PICALM: variants seen among roughly 807,000 people sequenced by gnomAD.
The protein encoded by PICALM is phosphatidylinositol binding clathrin assembly protein, also known as phosphatidylinositol-binding clathrin assembly protein.
Under a neutral mutation model 80.5 loss-of-function variants are expected in PICALM, and 40 were observed. That is an observed-to-expected ratio of 0.50 (90% CI 0.39 to 0.65). The LOEUF is 0.65. PICALM is among the 30% of genes least tolerant of loss of function. The probability of loss-of-function intolerance (pLI) is 0.00; values close to 1 mark genes in which losing one functional copy is unlikely to be tolerated. For synonymous variants in PICALM, 288 were observed against 260.3 expected (o/e 1.11, Z -1.02); for missense variants, 676 against 778.9 (o/e 0.87, Z 1.57).
Position 85,957,329 on chromosome 11 carries a change from T to C in PICALM, c.*1717A>G, listed in dbSNP as rs537803647. 6.6e-6 allele frequency among the ~76,000 whole-genome samples: 1 copy of C among 152,344 alleles called. No homozygotes were observed. The highest frequency in any genetic ancestry group is 6.5e-5 in the Admixed American group (1 of 15,308). On this transcript the variant is annotated 3_prime_UTR_variant, in exon 20 of 20. Transcript: ENST00000393346. The stretch of plus-strand genomic sequence containing the variant: ...ATCATGTACTCTGAACCCTATGCAC[T>C]ACTAAATAGGCAATATGATACAATC...
chr11:86,059,176 AT>A (rs1318249079), intron 1 of PICALM, among the ~76,000 whole-genome samples: 2 of 152,232 alleles, frequency 1.3e-5, no homozygotes, highest in African/African-American at 4.8e-5. Flanking sequence ...ATAGATTTTT[AT>A]GTCCATAAAT....
At chr11:86,028,590 A>G (rs1224782758) in intron 2 of PICALM, among the ~76,000 whole-genome samples, 1 of 152,216 alleles carries the variant, frequency 6.6e-6, no homozygotes, top group African/African-American at 2.4e-5. Flanking sequence ...TCTATTTACC[A>G]TGAAGGTACT....
intron 1 of PICALM, among the ~76,000 whole-genome samples, chr11:86,058,069 A>T (rs2096297508): frequency 6.6e-6 from 1 of 152,228 alleles, no homozygotes; most frequent in Non-Finnish European, 1.5e-5. Flanking sequence ...TATATTAAAA[A>T]GACTTGCCAA....
intron 1 of PICALM, among the ~76,000 whole-genome samples, chr11:86,053,799 C>T (rs1292442120): frequency 2.0e-5 from 3 of 152,134 alleles, no homozygotes. Context: ...AACTCCTGGA[C>T]TCAAGCAATC....
At chr11:85,985,945 A>T (rs989554162) in intron 13 of PICALM, among the ~76,000 whole-genome samples, 95 of 152,172 alleles carry the variant, frequency 6.2e-4, no homozygotes, top group African/African-American at 2.2e-3. Context: ...CTTTATAGTC[A>T]CACAGAAATT....
chr11:86,000,341 A>T (rs1208150475), intron 11 of PICALM, among the ~76,000 whole-genome samples: 1 of 152,248 alleles, frequency 6.6e-6, no homozygotes, highest in Non-Finnish European at 1.5e-5. Context: ...TTGAACCATT[A>T]GATGCCTCAT....
In PICALM at chr11:86,016,265, T is replaced by A. The variant is rs1021717130; in HGVS notation, c.453-1302A>T. On this transcript the variant is annotated intron_variant, in intron 4 of 19. Coordinates refer to ENST00000393346, the MANE Select transcript of PICALM (RefSeq NM_007166.4). ...GATGTCAAAATCCCTGATTCTAACCTTACTGCCCCCAGAAACCACATCATC... is the reference window on the plus strand; with the variant it reads ...GATGTCAAAATCCCTGATTCTAACCATACTGCCCCCAGAAACCACATCATC... Among the ~76,000 whole-genome samples, 76 of 152,134 alleles carry A rather than the reference T, an allele frequency of 5.0e-4. 7 individuals are homozygous for A. Among genetic ancestry groups the A allele is most frequent in the Non-Finnish European group, 2.9e-5 (2 of 68,020 alleles).
At chr11:86,001,531 A>G (rs1387441059) in intron 9 of PICALM, among the ~76,000 whole-genome samples, 3 of 152,214 alleles carry the variant, frequency 2.0e-5, no homozygotes, top group African/African-American at 7.2e-5. Flanking sequence ...ATCACAGGGA[A>G]AACCCTCTGC....
intron 19 of PICALM, among the ~76,000 whole-genome samples, chr11:85,968,878 C>T (rs981597449): frequency 5.3e-5 from 8 of 150,708 alleles, no homozygotes; most frequent in African/African-American, 2.4e-5. Flanking sequence ...AGGCATGAAA[C>T]AGAAAAACAA....
intron 9 of PICALM, among the ~76,000 whole-genome samples, chr11:86,002,171 T>G (rs907350748): frequency 1.7e-4 from 26 of 152,210 alleles, no homozygotes; most frequent in African/African-American, 6.0e-4. Flanking sequence ...CGTTATTCTC[T>G]CAAATAAATG....
chr11:86,060,937 A>T (rs1290647190), intron 1 of PICALM, among the ~76,000 whole-genome samples: 2 of 152,212 alleles, frequency 1.3e-5, no homozygotes, highest in African/African-American at 4.8e-5. Context: ...GAACTGCTAA[A>T]CTGGACTTCA....
chr11:85,997,854 C>T (rs1475893683), intron 11 of PICALM, among the ~76,000 whole-genome samples: 1 of 152,048 alleles, frequency 6.6e-6, no homozygotes. Context: ...GTGATCTTGG[C>T]TCAATGCAAC....
chr11:85,974,590 C>A, intron 19 of PICALM, 118 bp downstream of exon 19: 1 of 752,050 alleles, frequency 1.3e-6, no homozygotes, highest in Non-Finnish European at 2.5e-6. Flanking sequence ...CAAGCAATAT[C>A]CATAATGAAG....
chr11:86,037,799 G>C (rs899449871), intron 1 of PICALM, among the ~76,000 whole-genome samples: 10 of 151,942 alleles, frequency 6.6e-5, no homozygotes, highest in African/African-American at 2.4e-4. Context: ...AAATGACTTA[G>C]CAACTATGTC....
chr11:86,018,094 T>C, intron 4 of PICALM, among the ~76,000 whole-genome samples: 1 of 152,204 alleles, frequency 6.6e-6, no homozygotes, highest in Non-Finnish European at 1.5e-5. Flanking sequence ...CTGAAGTCTC[T>C]CATCTAATTG....
chr11:86,040,550 T>C (rs937370409), intron 1 of PICALM, among the ~76,000 whole-genome samples: 1 of 151,974 alleles, frequency 6.6e-6, no homozygotes, highest in Non-Finnish European at 1.5e-5. Context: ...AACTAGTGAG[T>C]TTCAATATTA....
chr11:86,023,032 T>C (rs1000365123), intron 3 of PICALM, among the ~76,000 whole-genome samples: 2 of 152,160 alleles, frequency 1.3e-5, no homozygotes, highest in South Asian at 2.1e-4. Context: ...TCTAAATGAA[T>C]ACATAAATCA....
Position 86,068,857 on chromosome 11 carries a change from CCCCCCACCGCACCCCCTA to C in PICALM, c.-95_-78del. 2.0e-6 allele frequency: 3 copies of C among 1,476,640 alleles called. No individual in the cohort carries two copies. The South Asian group carries it at 4.0e-5, about 19-fold the overall frequency. The allele number at this position is 1,476,640 out of a possible 1,614,324, so 91.5% of individuals were successfully genotyped here. ...ACCCCCAAGAGCCGGAGGGTCCCCA[CCCCCCACCGCACCCCCTA>C]CCCCCACCGGCTCCTTCCCCGCCTG... On this transcript the variant is annotated 5_prime_UTR_variant, in exon 1 of 20. Coordinates refer to ENST00000393346, the MANE Select transcript of PICALM (RefSeq NM_007166.4).
intron 1 of PICALM, among the ~76,000 whole-genome samples, chr11:86,060,978 G>T (rs1365338061): frequency 6.6e-6 from 1 of 152,108 alleles, no homozygotes; most frequent in Non-Finnish European, 1.5e-5. Context: ...TCTGTGAAAG[G>T]CATTGTCAAG....
Sources: gnomAD v4.1 joint callset for allele counts (sites outside exome capture counted in the v4.1 genomes callset) on GRCh38, gnomAD v4.1.1 for gene constraint, MANE v1.5 for transcripts, NCBI Gene and HGNC (gene_info 2026-07-23, HGNC 2026-07-21) for gene names.